KCNH5: variants seen among roughly 807,000 people sequenced by gnomAD.
The protein encoded by KCNH5 is potassium voltage-gated channel subfamily H member 5, also known as voltage-gated delayed rectifier potassium channel KCNH5.
In KCNH5, 46 loss-of-function variants were observed where a neutral mutation model predicts 96.1. The ratio of observed to expected loss-of-function variants is 0.48; its 90% CI spans 0.38 to 0.61. The LOEUF is 0.61. Among genes scored for constraint, KCNH5 ranks in the 20% least tolerant of loss-of-function variants. The pLI is 0.00. For synonymous variants in KCNH5, 439 were observed against 449.8 expected, an observed-to-expected ratio of 0.98 and a Z score of 0.30; for missense variants, 907 against 1,225.8, an observed-to-expected ratio of 0.74 and a Z score of 3.88.
intron 5 of KCNH5, among the ~76,000 whole-genome samples, chr14:62,985,002 T>A (rs934017075): frequency 6.6e-6 from 1 of 152,110 alleles, no homozygotes; most frequent in Admixed American, 6.5e-5. Flanking sequence ...AAAGGAATCA[T>A]GACTATAAAA....
intron 7 of KCNH5, among the ~76,000 whole-genome samples, chr14:62,861,793 C>T (rs1050427969): frequency 6.6e-6 from 1 of 151,946 alleles, no homozygotes; most frequent in African/African-American, 2.4e-5. Context: ...AATAAGAAAA[C>T]TACAATGATA....
intron 5 of KCNH5, among the ~76,000 whole-genome samples, chr14:62,984,148 T>C (rs1890662559): frequency 6.6e-6 from 1 of 152,174 alleles, no homozygotes; most frequent in African/African-American, 2.4e-5. Flanking sequence ...GCAATAAGCC[T>C]TTGGTGGAAG....
chr14:62,950,591 A>C, intron 6 of KCNH5, 32 bp from the exon 7 acceptor site: 1 of 1,470,622 alleles, frequency 6.8e-7, no homozygotes, highest in Non-Finnish European at 9.0e-7. Flanking sequence ...AAATTACACC[A>C]CATTTTCAGG....
intron 6 of KCNH5, among the ~76,000 whole-genome samples, chr14:62,973,103 T>G (rs1015434774): frequency 7.0e-6 from 1 of 142,502 alleles, no homozygotes; most frequent in Admixed American, 6.8e-5. Flanking sequence ...TATGCATGTT[T>G]GGGAGCAAAG....
intron 10 of KCNH5, among the ~76,000 whole-genome samples, chr14:62,723,461 T>G (rs895484043): frequency 2.6e-5 from 4 of 152,134 alleles, no homozygotes; most frequent in Non-Finnish European, 2.9e-5. Context: ...ATAACATATT[T>G]TGGGGGTTTA....
intron 8 of KCNH5, among the ~76,000 whole-genome samples, chr14:62,818,103 T>TGGGGGGGGGGGGGGGGGGGAGGGGGGGGG (rs71120236): frequency 2.5e-5 from 1 of 39,904 alleles, no homozygotes; most frequent in Non-Finnish European, 4.7e-5. Context: ...TACCAGGAGC[T>TGGGGGGGGGGGGGGGGGGGAGGGGGGGGG]GGGGGCGGGG....
intron 7 of KCNH5, among the ~76,000 whole-genome samples, chr14:62,878,143 A>G (rs1888415953): frequency 6.7e-6 from 1 of 149,176 alleles, no homozygotes. Flanking sequence ...GGAATTGAAC[A>G]ATGAGAACAC....
At chr14:62,810,159 C>A (rs921888214) in intron 8 of KCNH5, among the ~76,000 whole-genome samples, 2 of 152,136 alleles carry the variant, frequency 1.3e-5, no homozygotes, top group Non-Finnish European at 2.9e-5. Flanking sequence ...ACTTATCAAT[C>A]TTCCAGATAT....
chr14:62,948,366 G>T (rs1275235405), intron 7 of KCNH5, among the ~76,000 whole-genome samples: 2 of 152,070 alleles, frequency 1.3e-5, no homozygotes, highest in Non-Finnish European at 2.9e-5. Flanking sequence ...TACCATCAGA[G>T]AATACTACAA....
intron 7 of KCNH5, among the ~76,000 whole-genome samples, chr14:62,878,569 G>T (rs752686731): frequency 6.6e-5 from 10 of 152,036 alleles, no homozygotes; most frequent in Non-Finnish European, 1.2e-4. Context: ...AATACATGTG[G>T]TGTATGAGAA....
chr14:63,041,356 G>T (rs1891821021), intron 1 of KCNH5, among the ~76,000 whole-genome samples: 1 of 152,096 alleles, frequency 6.6e-6, no homozygotes, highest in African/African-American at 2.4e-5. Context: ...TTTAAATAAA[G>T]GAAGGTATCC....
intron 8 of KCNH5, among the ~76,000 whole-genome samples, chr14:62,821,843 T>C (rs374383407): frequency 8.5e-5 from 13 of 152,110 alleles, no homozygotes; most frequent in Admixed American, 8.5e-4. Flanking sequence ...CCTGCAAACA[T>C]GATCTACTTT....
At chr14:62,998,568 T>C (rs188300604) in intron 4 of KCNH5, among the ~76,000 whole-genome samples, 77 of 152,312 alleles carry the variant, frequency 5.1e-4, no homozygotes, top group Admixed American at 2.1e-3. Context: ...TATGTCTTTC[T>C]TCTTTTCTAA....
chr14:62,760,526 T>C (rs912974163), intron 10 of KCNH5, among the ~76,000 whole-genome samples: 1 of 152,226 alleles, frequency 6.6e-6, no homozygotes, highest in Non-Finnish European at 1.5e-5. Flanking sequence ...TAAAGGACTG[T>C]GTCTCTGAAC....
At chr14:62,942,097 T>C (rs1245820307) in intron 7 of KCNH5, among the ~76,000 whole-genome samples, 2 of 152,204 alleles carry the variant, frequency 1.3e-5, no homozygotes, top group Non-Finnish European at 1.5e-5. Flanking sequence ...TTATTCTCCA[T>C]AAAGCAATGT....
chr14:62,946,216 TAGAA>T (rs1369727993), intron 7 of KCNH5, among the ~76,000 whole-genome samples: 1 of 152,072 alleles, frequency 6.6e-6, no homozygotes, highest in Non-Finnish European at 1.5e-5. Flanking sequence ...AGATGTAACA[TAGAA>T]AAACAGAAAT....
At chr14:62,842,375 T>TCATTTTA (rs201452777) in intron 8 of KCNH5, among the ~76,000 whole-genome samples, 1,868 of 152,304 alleles carry the variant, frequency 0.012, 45 homozygotes, top group African/African-American at 0.043. Flanking sequence ...ATAAAATGTG[T>TCATTTTA]AGGTCAGTCA....
At chr14:62,851,243 TG>T (rs1341044383) in intron 7 of KCNH5, among the ~76,000 whole-genome samples, 3 of 152,150 alleles carry the variant, frequency 2.0e-5, no homozygotes, top group African/African-American at 7.2e-5. Flanking sequence ...AGGAATACAG[TG>T]TTGACATTTC....
chr14:62,862,744 G>A (rs1888062458), intron 7 of KCNH5, among the ~76,000 whole-genome samples: 1 of 152,174 alleles, frequency 6.6e-6, no homozygotes, highest in Non-Finnish European at 1.5e-5. Context: ...GAATAGCGAA[G>A]TCTAGTTATT....
Sources: gnomAD v4.1 joint callset for allele counts (sites outside exome capture counted in the v4.1 genomes callset) on GRCh38, gnomAD v4.1.1 for gene constraint, MANE v1.5 for transcripts, NCBI Gene and HGNC (gene_info 2026-07-23, HGNC 2026-07-21) for gene names.